SPAG17: variants seen among roughly 807,000 people sequenced by gnomAD.
SPAG17 encodes the protein sperm-associated antigen 17.
Under a neutral mutation model 273.6 loss-of-function variants are expected in SPAG17, and 169 were observed. The observed-to-expected ratio is 0.62, with a 90% CI of 0.55 to 0.70. The LOEUF (loss-of-function observed/expected upper bound fraction) is 0.70. Ranked by LOEUF, SPAG17 falls within the 30% of genes least tolerant of loss-of-function variation. SPAG17 has a pLI of 0.00. For synonymous variants in SPAG17, 825 were observed against 873.2 expected (o/e 0.94, Z 0.97); for missense variants, 2,557 against 2,627.8 (o/e 0.97, Z 0.59).
At position 118,010,436 on chromosome 1, in the gene SPAG17, A is replaced by C. The variant is rs1346146104; in HGVS notation, c.4432+1792T>G. Among the ~76,000 whole-genome samples the C allele has an allele frequency of 1.3e-5, 2 of 152,148 alleles. 1 individual carries two copies. Among genetic ancestry groups the C allele is most frequent in the South Asian group, 4.1e-4 (2 of 4,832 alleles). ...CACACCTACAGTCATCTGATCTTAA[A>C]CAAATCAACAAAAACAAGCAATGAT... On this transcript the variant is annotated intron_variant, in intron 30 of 48. Coordinates refer to ENST00000336338, the MANE Select transcript of SPAG17 (RefSeq NM_206996.4).
chr1:117,964,591 G>C (rs1653573479), intron 47 of SPAG17: 1 of 152,156 alleles, frequency 6.6e-6, no homozygotes, highest in Non-Finnish European at 1.5e-5. Flanking sequence ...GAGAGGAAGG[G>C]AGAGAGACTT....
intron 7 of SPAG17, among the ~76,000 whole-genome samples, chr1:118,096,673 T>C (rs1384625381): frequency 6.6e-6 from 1 of 152,234 alleles, no homozygotes; most frequent in Non-Finnish European, 1.5e-5. Flanking sequence ...AAAGCCATCA[T>C]GCATCTGTCA....
chr1:118,060,077 A>C (rs927061907), intron 18 of SPAG17, among the ~76,000 whole-genome samples: 1 of 151,982 alleles, frequency 6.6e-6, no homozygotes, highest in Non-Finnish European at 1.5e-5. Flanking sequence ...AATAATTTTC[A>C]ATTTTGTTTT....
intron 7 of SPAG17, among the ~76,000 whole-genome samples, chr1:118,095,475 C>A (rs1466294438): frequency 1.3e-5 from 2 of 152,192 alleles, no homozygotes; most frequent in African/African-American, 2.4e-5. Flanking sequence ...AGGCTGGGAT[C>A]TCCTGTGTCT....
intron 3 of SPAG17, among the ~76,000 whole-genome samples, chr1:118,117,066 G>A (rs1320491701): frequency 6.6e-6 from 1 of 152,214 alleles, no homozygotes; most frequent in Non-Finnish European, 1.5e-5. Flanking sequence ...CCCAAGAGTA[G>A]ATGTCAATAT....
chr1:118,049,164 A>T (rs1650710688), intron 20 of SPAG17, among the ~76,000 whole-genome samples: 1 of 152,204 alleles, frequency 6.6e-6, no homozygotes, highest in Non-Finnish European at 1.5e-5. Flanking sequence ...ACTAATACAA[A>T]TTCTTCTCAC....
intron 19 of SPAG17, 54 bp downstream of exon 19, chr1:118,055,679 A>C: frequency 7.3e-7 from 1 of 1,371,846 alleles, no homozygotes; most frequent in East Asian, 2.3e-5. Context: ...AAATTAAGAG[A>C]GAGAAGAACG....
intron 17 of SPAG17, 58 bp from the exon 18 acceptor site, chr1:118,066,957 C>A: frequency 6.6e-7 from 1 of 1,510,408 alleles, no homozygotes; most frequent in Non-Finnish European, 8.9e-7. Flanking sequence ...AGAGAAGGGT[C>A]TCCTACTAGG....
At position 117,953,877 on chromosome 1, in the gene SPAG17, A is replaced by T; in HGVS notation, c.*173T>A. The T allele has an allele frequency of 2.6e-6, 2 of 762,532 alleles. No homozygotes were observed. The highest frequency in any genetic ancestry group is 4.3e-6 in the Non-Finnish European group (2 of 466,704). The allele number at this position is 762,532 out of a possible 1,614,324, so 47.2% of individuals were successfully genotyped here. A position where few individuals can be genotyped will look rare whatever the true frequency, so the allele number is the denominator to read the frequency against. ...GTCTTTAAATGCTTTTTGGCACTCT[A>T]TTCGCACGTCTTTATTAAACAGATT... is the stretch of plus-strand genomic sequence containing the variant. On this transcript the variant is annotated 3_prime_UTR_variant, in exon 49 of 49. Coordinates refer to ENST00000336338, the MANE Select transcript of SPAG17 (RefSeq NM_206996.4).
intron 32 of SPAG17, among the ~76,000 whole-genome samples, chr1:118,005,086 A>G (rs1286504658): frequency 6.6e-6 from 1 of 152,202 alleles, no homozygotes; most frequent in Non-Finnish European, 1.5e-5. Flanking sequence ...TCTGACTTCA[A>G]CTTGGATAAG....
Position 117,973,435 on chromosome 1 carries a change from G to C in SPAG17, c.6131C>G (p.Pro2044Arg). 1 of 1,613,182 alleles carries C rather than the reference G, an allele frequency of 6.2e-7. No homozygotes were observed. Among genetic ancestry groups the C allele is most frequent in the Non-Finnish European group, 8.5e-7 (1 of 1,179,380 alleles). ...CAATGTTTGTTTTACCTTTGCAAGA[G>C]GTTGAGACTTAGGCTTGGAACTCAG... ...YLLSSKPKSQ[P>R]LAKVQDSVGG... is the part of the protein sequence containing the mutation. The change falls in exon 44 of 49, where the codon CCT becomes CGT. Residue 2044 changes from proline (P) to arginine (R), a missense_variant. Physicochemically the swap from Pro to Arg is moderately radical, Grantham distance 103 (BLOSUM62 -2). Coordinates refer to ENST00000336338, the MANE Select transcript of SPAG17 (RefSeq NM_206996.4).
chr1:118,009,392 C>T (rs983122454), intron 30 of SPAG17, among the ~76,000 whole-genome samples: 3 of 151,852 alleles, frequency 2.0e-5, no homozygotes, highest in African/African-American at 2.4e-5. Flanking sequence ...CCAATAAAAA[C>T]ATTGACATTA....
At chr1:117,990,300 A>G (rs767101601) in intron 38 of SPAG17, among the ~76,000 whole-genome samples, 28 of 152,242 alleles carry the variant, frequency 1.8e-4, no homozygotes, top group Non-Finnish European at 3.4e-4. Flanking sequence ...GATCTTTGCC[A>G]TATCGCCAAC....
At chr1:118,163,496 T>A (rs1660025143) in intron 1 of SPAG17, among the ~76,000 whole-genome samples, 1 of 151,882 alleles carries the variant, frequency 6.6e-6, no homozygotes, top group Non-Finnish European at 1.5e-5. Flanking sequence ...CCCAAGAACT[T>A]ACTCCTTTTT....
At position 117,969,931 on chromosome 1, in the gene SPAG17, CAGT is replaced by C. The variant is rs915089405; in HGVS notation, c.6387+122_6387+124del. On this transcript the variant is annotated intron_variant, in intron 46 of 48. Transcript: ENST00000336338. ...AATCTTTTGCTTATGATATTAAAAA[CAGT>C]AGACTTATACATAGTTTAAAAGGAA... The C allele has an allele frequency of 8.8e-5, 72 of 818,110 alleles. No individual in the cohort carries two copies. In the African/African-American group the frequency reaches 1.2e-3, roughly 14 times the overall value. 50.7% of individuals were successfully genotyped at this position (818,110 alleles called of 1,614,324 possible).
chr1:118,166,626 C>A (rs2102383602), intron 1 of SPAG17, among the ~76,000 whole-genome samples: 1 of 152,194 alleles, frequency 6.6e-6, no homozygotes, highest in South Asian at 2.1e-4. Context: ...TTCTGCATGT[C>A]ACCACCTTGG....
intron 3 of SPAG17, among the ~76,000 whole-genome samples, chr1:118,124,782 C>A (rs1339748201): frequency 6.6e-6 from 1 of 152,166 alleles, no homozygotes; most frequent in Non-Finnish European, 1.5e-5. Flanking sequence ...GATCACACAG[C>A]CGGTAATTAG....
chr1:118,022,469 C>T (rs1647225028), intron 28 of SPAG17, among the ~76,000 whole-genome samples: 1 of 152,020 alleles, frequency 6.6e-6, no homozygotes, highest in African/African-American at 2.4e-5. Flanking sequence ...TTTAACCTCA[C>T]CAGCAATTAA....
chr1:118,041,889 T>C lies in SPAG17; in HGVS notation c.2968A>G (p.Lys990Glu). 2 of 1,613,832 alleles carry C rather than the reference T, an allele frequency of 1.2e-6. No individual in the cohort carries two copies. The highest frequency in any genetic ancestry group is 1.7e-6 in the Non-Finnish European group (2 of 1,179,792). ...SRSLKKKSPY[K>E]EKSKEEQVKI... is the part of the protein sequence containing the mutation. ...ACTTGTTCTTCTTTAGATTTCTCCT[T>C]GTAAGGTGATTTTTTCTTCAAAGAC... The change falls in exon 21 of 49, where the codon AAG (lysine) becomes GAG (glutamate). Residue 990 changes from lysine to glutamate, a missense_variant. By Grantham distance (56) the Lys-to-Glu change is moderately conservative. Coordinates refer to ENST00000336338, the MANE Select transcript of SPAG17 (RefSeq NM_206996.4).
Sources: allele counts gnomAD v4.1 joint callset (sites outside exome capture counted in the v4.1 genomes callset), GRCh38; gene constraint gnomAD v4.1.1; transcripts MANE v1.5; gene names NCBI Gene and HGNC (gene_info 2026-07-23, HGNC 2026-07-21).